Variants in KIAA1217 observed in about 807,000 individuals in gnomAD.
KIAA1217 encodes KIAA1217.
In KIAA1217, 88 loss-of-function variants were observed where a neutral mutation model predicts 163.9. The observed-to-expected ratio is 0.54, with a 90% CI of 0.45 to 0.64. The LOEUF (loss-of-function observed/expected upper bound fraction) is 0.64. KIAA1217 is among the 30% of genes least tolerant of loss of function. The pLI, the probability that KIAA1217 is intolerant of heterozygous loss-of-function variation, is 0.00. For synonymous variants in KIAA1217, 903 were observed against 923.1 expected (o/e 0.98, Z 0.39); for missense variants, 2,372 against 2,475.0 (o/e 0.96, Z 0.88).
chr10:24,455,358 C>A (rs184280995), intron 5 of KIAA1217, among the ~76,000 whole-genome samples: 1 of 152,108 alleles, frequency 6.6e-6, no homozygotes, highest in Non-Finnish European at 1.5e-5. Context: ...AGTATATGTG[C>A]AAAGCTGTCT....
chr10:24,225,480 A>G (rs1245564343), intron 2 of KIAA1217, among the ~76,000 whole-genome samples: 1 of 152,208 alleles, frequency 6.6e-6, no homozygotes, highest in Non-Finnish European at 1.5e-5. Context: ...TTCCATTGTT[A>G]AAGAATAACT....
chr10:24,223,435 T>C (rs1234590476), intron 2 of KIAA1217, among the ~76,000 whole-genome samples: 4 of 152,174 alleles, frequency 2.6e-5, no homozygotes, highest in Non-Finnish European at 4.4e-5. Context: ...CAATGCCATT[T>C]GTTCCTCCTG....
At chr10:24,173,994 C>T (rs1589770701) in intron 2 of KIAA1217, among the ~76,000 whole-genome samples, 1 of 152,186 alleles carries the variant, frequency 6.6e-6, no homozygotes, top group African/African-American at 2.4e-5. Flanking sequence ...TGCCTTGTGA[C>T]ACCTGCCATG....
intron 2 of KIAA1217, among the ~76,000 whole-genome samples, chr10:24,085,660 C>G (rs1004631537): frequency 6.6e-6 from 1 of 150,870 alleles, no homozygotes; most frequent in African/African-American, 2.5e-5. Flanking sequence ...TAAATACACA[C>G]AATTTCAGTT....
intron 2 of KIAA1217, among the ~76,000 whole-genome samples, chr10:24,371,030 A>C (rs991205327): frequency 2.6e-5 from 4 of 152,218 alleles, no homozygotes; most frequent in Non-Finnish European, 4.4e-5. Context: ...ACTTGGTAGA[A>C]GGATGCTAAA....
At chr10:24,534,982 T>C (rs897741136) in intron 16 of KIAA1217, among the ~76,000 whole-genome samples, 1 of 151,178 alleles carries the variant, frequency 6.6e-6, no homozygotes, top group African/African-American at 2.4e-5. Context: ...CCCAGCCTGC[T>C]AAATCCGCAA....
chr10:23,776,117 A>G (rs1834997533), intron 1 of KIAA1217, among the ~76,000 whole-genome samples: 1 of 152,180 alleles, frequency 6.6e-6, no homozygotes, highest in Non-Finnish European at 1.5e-5. Flanking sequence ...ACATTGGATC[A>G]GTGCCCAGAT....
intron 1 of KIAA1217, among the ~76,000 whole-genome samples, chr10:24,005,331 A>C (rs1179875501): frequency 6.6e-6 from 1 of 152,184 alleles, no homozygotes; most frequent in Admixed American, 6.5e-5. Flanking sequence ...TACCTCCCCT[A>C]ATTAGTTCAA....
intron 1 of KIAA1217, among the ~76,000 whole-genome samples, chr10:23,903,761 C>T (rs905638821): frequency 6.6e-6 from 1 of 152,074 alleles, no homozygotes; most frequent in African/African-American, 2.4e-5. Context: ...GCTTCTTCAG[C>T]TTCCTCAGTT....
At chr10:24,107,447 G>T (rs2062676333) in intron 2 of KIAA1217, among the ~76,000 whole-genome samples, 1 of 152,158 alleles carries the variant, frequency 6.6e-6, no homozygotes, top group South Asian at 2.1e-4. Context: ...TGAATTCTTT[G>T]AGAAATCTGA....
At chr10:23,877,882 C>T (rs1178434112) in intron 1 of KIAA1217, among the ~76,000 whole-genome samples, 1 of 151,914 alleles carries the variant, frequency 6.6e-6, no homozygotes, top group South Asian at 2.1e-4. Flanking sequence ...ATGGACACAG[C>T]GAAAATGTTA....
chr10:24,541,283 T>G (rs1370100917), intron 17 of KIAA1217, among the ~76,000 whole-genome samples: 1 of 151,976 alleles, frequency 6.6e-6, no homozygotes, highest in East Asian at 1.9e-4. Flanking sequence ...AGAAGCCATG[T>G]GGCTCCGCTG....
intron 2 of KIAA1217, among the ~76,000 whole-genome samples, chr10:24,365,707 T>G (rs2134350888): frequency 6.6e-6 from 1 of 152,318 alleles, no homozygotes; most frequent in African/African-American, 2.4e-5. Flanking sequence ...TTTATTTATT[T>G]ATTTATTTTT....
chr10:24,499,280 GT>G (rs1157019005), intron 8 of KIAA1217, among the ~76,000 whole-genome samples: 25 of 152,228 alleles, frequency 1.6e-4, no homozygotes, highest in Non-Finnish European at 2.8e-4. Context: ...TATCAGATAT[GT>G]TTTACTTGGT....
chr10:23,787,202 C>T (rs533896787), intron 1 of KIAA1217, among the ~76,000 whole-genome samples: 2 of 152,234 alleles, frequency 1.3e-5, no homozygotes, highest in African/African-American at 4.8e-5. Flanking sequence ...TCACATTGAT[C>T]CTCTGGGGTG....
chr10:24,386,984 G>C (rs1186205098), intron 3 of KIAA1217, among the ~76,000 whole-genome samples: 1 of 152,198 alleles, frequency 6.6e-6, no homozygotes, highest in African/African-American at 2.4e-5. Flanking sequence ...TTATTGAAAA[G>C]TAATACTGTA....
intron 1 of KIAA1217, among the ~76,000 whole-genome samples, chr10:23,982,603 G>A (rs1370371415): frequency 8.5e-6 from 1 of 117,776 alleles, no homozygotes; most frequent in Admixed American, 1.2e-4. Context: ...GGCTTTTGTT[G>A]CTCAGGCTGG....
chr10:24,470,286 C>T (rs769688153), intron 5 of KIAA1217, among the ~76,000 whole-genome samples: 1 of 152,126 alleles, frequency 6.6e-6, no homozygotes, highest in East Asian at 1.9e-4. Flanking sequence ...ACCTGTGTCA[C>T]GCGGTTGCCC....
intron 2 of KIAA1217, among the ~76,000 whole-genome samples, chr10:24,105,317 A>G (rs2062581463): frequency 6.6e-6 from 1 of 152,210 alleles, no homozygotes; most frequent in Admixed American, 6.5e-5. Context: ...CAGCAAAAAT[A>G]TAAAGACTCA....
Sources: allele counts gnomAD v4.1 joint callset (sites outside exome capture counted in the v4.1 genomes callset), GRCh38; gene constraint gnomAD v4.1.1; transcripts MANE v1.5; gene names NCBI Gene and HGNC (gene_info 2026-07-23, HGNC 2026-07-21).